VRK2: variants seen among roughly 807,000 people sequenced by gnomAD.
VRK2 encodes serine/threonine-protein kinase VRK2.
In VRK2, 60 loss-of-function variants were observed where a neutral mutation model predicts 57.6. That is an observed-to-expected ratio of 1.04 (90% CI 0.85 to 1.29). The LOEUF is 1.29. Among genes scored for constraint, VRK2 ranks in the 50% most tolerant of loss-of-function variants. The pLI, the probability that VRK2 is intolerant of heterozygous loss-of-function variation, is 0.00. For synonymous variants in VRK2, 231 were observed against 199.2 expected, an observed-to-expected ratio of 1.16 and a Z score of -1.35; for missense variants, 705 against 588.1, an observed-to-expected ratio of 1.20 and a Z score of -2.06.
intron 7 of VRK2, among the ~76,000 whole-genome samples, chr2:58,118,985 A>T (rs1478719728): frequency 6.6e-6 from 1 of 152,150 alleles, no homozygotes; most frequent in Non-Finnish European, 1.5e-5. Flanking sequence ...GGCAGGAACA[A>T]ATCACAGTGG....
At chr2:57,925,094 T>C (rs775747883) in intron 1 of VRK2, among the ~76,000 whole-genome samples, 35 of 152,148 alleles carry the variant, frequency 2.3e-4, no homozygotes, top group Non-Finnish European at 1.6e-4. Flanking sequence ...TTTTAATGTG[T>C]TGTTGAATTT....
At chr2:58,097,377 T>C (rs575429624) in intron 7 of VRK2, among the ~76,000 whole-genome samples, 2 of 152,068 alleles carry the variant, frequency 1.3e-5, no homozygotes, top group Non-Finnish European at 2.9e-5. Flanking sequence ...TGTTTTCATC[T>C]TGTTTTATGT....
intron 2 of VRK2, among the ~76,000 whole-genome samples, chr2:58,053,570 T>G (rs772354243): frequency 1.3e-5 from 2 of 152,206 alleles, no homozygotes; most frequent in Non-Finnish European, 2.9e-5. Context: ...ACATAGAATG[T>G]TTTTACTTCT....
intron 1 of VRK2, among the ~76,000 whole-genome samples, chr2:57,932,191 G>C (rs1161393495): frequency 2.0e-5 from 3 of 151,786 alleles, no homozygotes; most frequent in African/African-American, 7.3e-5. Context: ...TCTGGCTTTG[G>C]TTTGAAGGTA....
intron 1 of VRK2, among the ~76,000 whole-genome samples, chr2:58,019,388 C>T (rs1377364243): frequency 2.6e-5 from 4 of 152,112 alleles, no homozygotes; most frequent in Admixed American, 2.6e-4. Flanking sequence ...TTAACTTTAG[C>T]ATTTAGCCAT....
At chr2:57,993,221 A>G (rs560472270) in intron 1 of VRK2, among the ~76,000 whole-genome samples, 135 of 152,230 alleles carry the variant, frequency 8.9e-4, no homozygotes, top group Non-Finnish European at 1.6e-3. Context: ...CCAGAATTAT[A>G]ACAACTTACT....
chr2:57,921,692 T>C (rs1203090261), intron 1 of VRK2, among the ~76,000 whole-genome samples: 1 of 152,130 alleles, frequency 6.6e-6, no homozygotes, highest in South Asian at 2.1e-4. Context: ...TAGGGAACAG[T>C]AAGTTCCCAG....
intron 2 of VRK2, among the ~76,000 whole-genome samples, chr2:58,030,721 A>T (rs1674086273): frequency 6.6e-6 from 1 of 152,052 alleles, no homozygotes; most frequent in Admixed American, 6.6e-5. Flanking sequence ...TGGGCTTGTT[A>T]GTTGCTTGTG....
intron 1 of VRK2, among the ~76,000 whole-genome samples, chr2:57,953,804 G>T (rs1351360566): frequency 1.3e-5 from 2 of 151,984 alleles, no homozygotes; most frequent in Non-Finnish European, 1.5e-5. Flanking sequence ...TCCATACTTT[G>T]TGCATTATAA....
Position 57,925,902 on chromosome 2 carries a change from T to G in VRK2, c.-439+18063T>G, listed in dbSNP as rs924771931. 4.0e-4 allele frequency among the ~76,000 whole-genome samples: 61 copies of G among 152,138 alleles called. 1 individual carries two copies. Among genetic ancestry groups the G allele is most frequent in the African/African-American group, 1.3e-3 (55 of 41,558 alleles). On this transcript the variant is annotated intron_variant, in intron 1 of 15. Coordinates refer to the VRK2 transcript ENST00000417641. ...TCCTCTTAGCGCTGCTTTCACTATATCCCATAAATTTTGGTATGTTCTGTT... is the reference window on the plus strand; with the variant it reads ...TCCTCTTAGCGCTGCTTTCACTATAGCCCATAAATTTTGGTATGTTCTGTT...
At chr2:58,095,584 T>C (rs1286904827) in intron 7 of VRK2, among the ~76,000 whole-genome samples, 1 of 152,074 alleles carries the variant, frequency 6.6e-6, no homozygotes, top group African/African-American at 2.4e-5. Flanking sequence ...TTTATATATA[T>C]GAAGAATTTT....
intron 1 of VRK2, among the ~76,000 whole-genome samples, chr2:57,986,427 GAAATTTATATGGAAAGCC>G (rs1419452998): frequency 6.6e-6 from 1 of 151,840 alleles, no homozygotes; most frequent in African/African-American, 2.4e-5. Context: ...CACTAATTCT[GAAATTTATATGGAAAGCC>G]AAGGAATTAG....
chr2:58,132,601 A>C (rs903754089), intron 9 of VRK2, among the ~76,000 whole-genome samples: 1 of 152,196 alleles, frequency 6.6e-6, no homozygotes, highest in Non-Finnish European at 1.5e-5. Flanking sequence ...CAGAATAGCC[A>C]GTTTTTCATT....
chr2:58,097,714 C>T (rs574049182), intron 7 of VRK2, among the ~76,000 whole-genome samples: 1 of 152,204 alleles, frequency 6.6e-6, no homozygotes, highest in South Asian at 2.1e-4. Context: ...CAACACATTA[C>T]TCATGTGTTT....
intron 12 of VRK2, among the ~76,000 whole-genome samples, chr2:58,156,753 T>C (rs1683941743): frequency 6.6e-6 from 1 of 152,214 alleles, no homozygotes; most frequent in Non-Finnish European, 1.5e-5. Context: ...TATCTGTTCA[T>C]TAATTATGTT....
chr2:58,153,967 T>C (rs1196299372), intron 12 of VRK2, among the ~76,000 whole-genome samples: 3 of 152,164 alleles, frequency 2.0e-5, no homozygotes, highest in Admixed American at 1.3e-4. Context: ...ATATGGACTC[T>C]TGTCACAACT....
At chr2:58,103,287 TAAA>T (rs533803913) in intron 7 of VRK2, among the ~76,000 whole-genome samples, 3 of 150,804 alleles carry the variant, frequency 2.0e-5, no homozygotes, top group African/African-American at 7.3e-5. Flanking sequence ...AAAATTAAAA[TAAA>T]AAAATCAACA....
At chr2:58,011,263 A>G (rs554396956) in intron 1 of VRK2, among the ~76,000 whole-genome samples, 1 of 151,584 alleles carries the variant, frequency 6.6e-6, no homozygotes, top group East Asian at 1.9e-4. Context: ...GGTTAGACAG[A>G]GATGAAAAAC....
At chr2:57,911,678 A>G (rs996255388) in intron 1 of VRK2, among the ~76,000 whole-genome samples, 69 of 152,226 alleles carry the variant, frequency 4.5e-4, no homozygotes, top group Non-Finnish European at 1.8e-4. Context: ...GCATCAATGG[A>G]GCCTGGATAG....
Sources: allele counts gnomAD v4.1 joint callset (sites outside exome capture counted in the v4.1 genomes callset), GRCh38; gene constraint gnomAD v4.1.1; transcripts MANE v1.5; gene names NCBI Gene and HGNC (gene_info 2026-07-23, HGNC 2026-07-21).